Variants in PRRT4 observed in about 807,000 individuals in gnomAD.
PRRT4 encodes the protein proline rich transmembrane protein 4.
A neutral mutation model predicts 55.6 loss-of-function variants in PRRT4; 59 were observed. The ratio of observed to expected loss-of-function variants is 1.06; its 90% CI spans 0.86 to 1.32. PRRT4 has a LOEUF of 1.32. PRRT4 is among the 40% of genes most tolerant of loss of function. The pLI is 0.00. For missense variants in PRRT4, 1,217 were observed against 1,222.0 expected, an observed-to-expected ratio of 1.00 and a Z score of 0.06; for synonymous variants, 606 against 601.8, an observed-to-expected ratio of 1.01 and a Z score of -0.10.
In PRRT4 at chr7:128,358,624, A is replaced by C; in HGVS notation, c.877+57T>G. 1 of 1,440,828 alleles carries C rather than the reference A, an allele frequency of 6.9e-7. No individual in the cohort carries two copies. The highest frequency in any genetic ancestry group is 1.4e-5 in the African/African-American group (1 of 70,858). 89.3% of individuals were successfully genotyped at this position (1,440,828 alleles called of 1,614,324 possible). A position where few individuals can be genotyped will look rare whatever the true frequency, so the allele number is the denominator to read the frequency against. On this transcript the variant is annotated intron_variant, in intron 4 of 4. Transcript: ENST00000535159. The surrounding 1 kb of genome is among the most constrained non-coding windows in gnomAD (Gnocchi z 4.4). ...GGTCCCAGAACACTGATGAGTGACTAGCATGTAGTAAGTGCTCAATAAATA... is the reference window on the plus strand; with the variant it reads ...GGTCCCAGAACACTGATGAGTGACTCGCATGTAGTAAGTGCTCAATAAATA...
exon 5 of PRRT4, chr7:128,351,591 A>C (rs1201943795): frequency 6.6e-7 from 1 of 1,504,876 alleles, no homozygotes; most frequent in Admixed American, 2.2e-5. Flanking sequence ...CTGGGGGCCC[A>C]GTGACCCAGC....
At chr7:128,357,854 G>T (rs1239138353) in intron 4 of PRRT4, among the ~76,000 whole-genome samples, 1 of 152,184 alleles carries the variant, frequency 6.6e-6, no homozygotes, top group Non-Finnish European at 1.5e-5. Context: ...TGTGTGGTTT[G>T]TGTTGTCCCA....
exon 5 of PRRT4, chr7:128,352,351 A>G (rs1305567020): frequency 1.3e-6 from 2 of 1,527,278 alleles, no homozygotes; most frequent in Non-Finnish European, 8.8e-7. Flanking sequence ...CAGCAGGTCC[A>G]GCAGCGCCAG....
At position 128,358,357 on chromosome 7, in the gene PRRT4, G is replaced by A. The variant is rs1370781063; in HGVS notation, c.877+324C>T. 2.0e-5 allele frequency among the ~76,000 whole-genome samples: 3 copies of A among 152,222 alleles called. No individual in the cohort carries two copies. The highest frequency in any genetic ancestry group is 4.4e-5 in the Non-Finnish European group (3 of 68,040). ...GTGGGGAGTCAGGTCAGGCAGACTG[G>A]AGTGGAGGGTGGGGTTAGTGCCAGG... On this transcript the variant is annotated intron_variant, in intron 4 of 4. Coordinates refer to ENST00000535159, the Ensembl canonical transcript of PRRT4. The surrounding 1 kb of genome is among the most constrained non-coding windows in gnomAD (Gnocchi z 4.4).
chr7:128,351,989 G>GCCGC lies in PRRT4; in HGVS notation c.1563_1566dup (p.Arg523AlafsTer57). On this transcript the variant is annotated frameshift_variant, in exon 5 of 5. Coordinates refer to ENST00000535159, the Ensembl canonical transcript of PRRT4. LOFTEE classifies it high-confidence loss of function. ...CCCAGGGGCGCCCCGGCCCGCCGCC[G>GCCGC]CCGCCCGCCCCAGCAGGAGAGCGCC... 2 of 1,304,674 alleles carry GCCGC rather than the reference G, an allele frequency of 1.5e-6. No homozygotes were observed. The highest frequency in any genetic ancestry group is 2.0e-6 in the Non-Finnish European group (2 of 1,024,798). The allele number at this position is 1,304,674 out of a possible 1,614,324, so 80.8% of individuals were successfully genotyped here. A position where few individuals can be genotyped will look rare whatever the true frequency, so the allele number is the denominator to read the frequency against.
exon 5 of PRRT4, chr7:128,352,523 A>G: frequency 1.3e-6 from 2 of 1,543,674 alleles, no homozygotes; most frequent in Non-Finnish European, 1.7e-6. Flanking sequence ...AGGGTCAGGA[A>G]AAAGAGGGGC....
chr7:128,357,548 TGCTGCAC>T (rs1284676197), intron 4 of PRRT4, among the ~76,000 whole-genome samples: 1 of 152,148 alleles, frequency 6.6e-6, no homozygotes, highest in Non-Finnish European at 1.5e-5. Context: ...ATCCTGCCCC[TGCTGCAC>T]GCTGGGCTGG....
chr7:128,351,050 G>C, exon 5 of PRRT4: 1 of 1,549,142 alleles, frequency 6.5e-7, no homozygotes, highest in Non-Finnish European at 8.7e-7. Context: ...GGCCGCGGGG[G>C]ACTGAGGACG....
intron 4 of PRRT4, among the ~76,000 whole-genome samples, chr7:128,357,234 ACACT>A (rs1216127630): frequency 2.9e-4 from 35 of 122,134 alleles, no homozygotes; most frequent in African/African-American, 9.2e-4. Context: ...ACACACACAC[ACACT>A]CTCTCTCTCT....
intron 4 of PRRT4, among the ~76,000 whole-genome samples, chr7:128,356,434 A>G (rs1797113202): frequency 6.6e-6 from 1 of 152,144 alleles, no homozygotes; most frequent in Admixed American, 6.5e-5. Flanking sequence ...TGGAAAAAAA[A>G]CCTGGCTTCT....
At chr7:128,356,345 A>C (rs1797111559) in intron 4 of PRRT4, among the ~76,000 whole-genome samples, 1 of 152,262 alleles carries the variant, frequency 6.6e-6, no homozygotes, top group East Asian at 1.9e-4. Flanking sequence ...CTCAAGTGTC[A>C]TAAAAGGAGT....
chr7:128,353,294 C>T (rs1797040878), intron 4 of PRRT4, among the ~76,000 whole-genome samples: 1 of 152,106 alleles, frequency 6.6e-6, no homozygotes, highest in Non-Finnish European at 1.5e-5. Flanking sequence ...TCTGTGATTC[C>T]AAAGCCTCGT....
exon 5 of PRRT4, chr7:128,351,156 G>A (rs1796952250): frequency 1.9e-6 from 3 of 1,546,052 alleles, no homozygotes; most frequent in Non-Finnish European, 2.6e-6. Flanking sequence ...CAGATGAGAC[G>A]CTGCTGCCTG....
rs1162015535 is a variant in PRRT4 at position 128,359,321 on chromosome 7, G to A, written c.652+19C>T. ...GGGTGCCCAGCAGGGGCTTTCCTTG[G>A]GATGGGGTGGTTACTCACCAAAGGG... On this transcript the variant is annotated intron_variant, in intron 2 of 4. Coordinates refer to ENST00000535159, the Ensembl canonical transcript of PRRT4. The A allele has an allele frequency of 9.3e-6, 14 of 1,505,236 alleles. No homozygotes were observed. The highest frequency in any genetic ancestry group is 1.3e-5 in the South Asian group (1 of 75,186). The allele number at this position is 1,505,236 out of a possible 1,614,324, so 93.2% of individuals were successfully genotyped here.
chr7:128,350,546 TG>T, downstream of PRRT4: 1 of 362,426 alleles, frequency 2.8e-6, no homozygotes, highest in South Asian at 2.9e-5. Context: ...AGCACCAGAG[TG>T]GGGAGTGGTG....
Position 128,358,867 on chromosome 7 carries a change from G to A in PRRT4, c.758-67C>T, listed in dbSNP as rs1477240554. ...CCAGCCTTGCCTCTGGGAGTTTGGA[G>A]AAAATTATGTCCTTCCCCAGAGTTT... is the stretch of plus-strand genomic sequence containing the variant. On this transcript the variant is annotated intron_variant, in intron 3 of 4. Transcript: ENST00000535159. This position sits in a 1 kb window ranked among gnomAD's most constrained non-coding sequence, Gnocchi z 4.4. The A allele has an allele frequency of 2.7e-6, 4 of 1,473,320 alleles. No homozygotes were observed. The highest frequency in any genetic ancestry group is 3.6e-6 in the Non-Finnish European group (4 of 1,115,658). The allele number at this position is 1,473,320 out of a possible 1,614,324, so 91.3% of individuals were successfully genotyped here. A position where few individuals can be genotyped will look rare whatever the true frequency, so the allele number is the denominator to read the frequency against.
At chr7:128,351,124 C>G in exon 5 of PRRT4, 1 of 1,547,894 alleles carries the variant, frequency 6.5e-7, no homozygotes, top group Non-Finnish European at 8.7e-7. Context: ...CGAGCTGTCC[C>G]GCGAGAGTCC....
Position 128,358,389 on chromosome 7 carries a change from G to A in PRRT4, c.877+292C>T, listed in dbSNP as rs1401448520. Reference sequence around the variant, plus strand: ...GGGTGGGGTTAGTGCCAGGGCTGTGGAAATCATGAAGAAGTTCCTGTGTCT... The same window carrying A: ...GGGTGGGGTTAGTGCCAGGGCTGTGAAAATCATGAAGAAGTTCCTGTGTCT... On this transcript the variant is annotated intron_variant, in intron 4 of 4. Transcript: ENST00000535159. The surrounding 1 kb of genome is among the most constrained non-coding windows in gnomAD (Gnocchi z 4.4). Among the ~76,000 whole-genome samples the A allele has an allele frequency of 6.6e-6, 1 of 152,162 alleles. No individual in the cohort carries two copies. The highest frequency in any genetic ancestry group is 1.5e-5 in the Non-Finnish European group (1 of 68,026).
In PRRT4 at chr7:128,358,433, T is replaced by A. The variant is rs1300529771; in HGVS notation, c.877+248A>T. On this transcript the variant is annotated intron_variant, in intron 4 of 4. Transcript: ENST00000535159. The surrounding 1 kb of genome is among the most constrained non-coding windows in gnomAD (Gnocchi z 4.4). ...TGTGTCTGTTTGTCCCTGATACATC[T>A]GTCTACATCCTGCTCTGCCTCTCAT... Among the ~76,000 whole-genome samples, 2 of 152,190 alleles carry A rather than the reference T, an allele frequency of 1.3e-5. No homozygotes were observed. The highest frequency in any genetic ancestry group is 4.8e-5 in the African/African-American group (2 of 41,442).
Sources: allele counts gnomAD v4.1 joint callset (sites outside exome capture counted in the v4.1 genomes callset), GRCh38; gene constraint gnomAD v4.1.1; non-coding constraint Gnocchi (gnomAD v3.1); transcripts MANE v1.5; gene names NCBI Gene and HGNC (gene_info 2026-07-23, HGNC 2026-07-21).